The following CSMD3 variants were observed in gnomAD, a reference collection of about 807,000 sequenced individuals.
CSMD3 encodes the protein CUB and sushi domain-containing protein 3.
In CSMD3, 177 loss-of-function variants were observed where a neutral mutation model predicts 435.2. The observed-to-expected ratio is 0.41, with a 90% CI of 0.36 to 0.46. The LOEUF (loss-of-function observed/expected upper bound fraction) is 0.46, where lower values mean the gene tolerates loss of function less well. Among genes scored for constraint, CSMD3 ranks in the 20% least tolerant of loss-of-function variants. The pLI is 0.34. For synonymous variants in CSMD3, 1,656 were observed against 1,520.5 expected (o/e 1.09, Z -2.07); for missense variants, 4,265 against 4,504.6 (o/e 0.95, Z 1.52).
At chr8:112,889,784 TA>T (rs2081728141) in intron 10 of CSMD3, among the ~76,000 whole-genome samples, 2 of 151,634 alleles carry the variant, frequency 1.3e-5, no homozygotes, top group South Asian at 2.1e-4. Context: ...TAAACTAGAA[TA>T]AATCAAATGA....
chr8:112,786,577 A>C (rs2078545402), intron 13 of CSMD3, among the ~76,000 whole-genome samples: 1 of 152,004 alleles, frequency 6.6e-6, no homozygotes, highest in South Asian at 2.1e-4. Flanking sequence ...AAAACCAATA[A>C]TCTGAATAAA....
intron 22 of CSMD3, among the ~76,000 whole-genome samples, chr8:112,592,419 G>C (rs1831271306): frequency 6.6e-6 from 1 of 151,988 alleles, no homozygotes; most frequent in Non-Finnish European, 1.5e-5. Flanking sequence ...GCAAACTAGT[G>C]CTACTGAAAG....
intron 27 of CSMD3, among the ~76,000 whole-genome samples, chr8:112,537,764 G>A (rs34937056): frequency 0.034 from 5,203 of 151,330 alleles, 127 homozygotes; most frequent in Non-Finnish European, 0.054. Flanking sequence ...AAAAACTCAG[G>A]AACGAATGGA....
intron 24 of CSMD3, among the ~76,000 whole-genome samples, chr8:112,573,189 G>T (rs1274499483): frequency 6.6e-6 from 1 of 152,010 alleles, no homozygotes; most frequent in Non-Finnish European, 1.5e-5. Context: ...TCTAACAAAA[G>T]TTTCATTGTA....
chr8:113,056,532 T>C (rs1470536184), intron 5 of CSMD3, among the ~76,000 whole-genome samples: 1 of 152,226 alleles, frequency 6.6e-6, no homozygotes, highest in Non-Finnish European at 1.5e-5. Flanking sequence ...TCTACAAGCA[T>C]ATCCTTCTTC....
At chr8:112,887,452 A>C (rs1344794786) in intron 10 of CSMD3, among the ~76,000 whole-genome samples, 2 of 151,528 alleles carry the variant, frequency 1.3e-5, no homozygotes, top group Non-Finnish European at 3.0e-5. Context: ...ATATTAATGT[A>C]AGTACTATTA....
At chr8:113,399,702 T>C (rs891252386) in intron 1 of CSMD3, among the ~76,000 whole-genome samples, 1 of 151,800 alleles carries the variant, frequency 6.6e-6, no homozygotes, top group Admixed American at 6.6e-5. Flanking sequence ...GATGTGTGTG[T>C]TGTGGGGGAG....
chr8:112,906,382 C>T (rs1278187406), intron 10 of CSMD3, among the ~76,000 whole-genome samples: 2 of 151,288 alleles, frequency 1.3e-5, no homozygotes, highest in East Asian at 2.0e-4. Context: ...ACCCATATAA[C>T]TTTTCATGTT....
intron 13 of CSMD3, among the ~76,000 whole-genome samples, chr8:112,790,241 A>G (rs549707208): frequency 1.6e-3 from 249 of 152,192 alleles, no homozygotes; most frequent in Non-Finnish European, 2.8e-3. Flanking sequence ...TATGGTGAAA[A>G]CATTTTTTAA....
intron 9 of CSMD3, among the ~76,000 whole-genome samples, chr8:112,922,915 C>T (rs1358179216): frequency 6.6e-6 from 1 of 152,080 alleles, no homozygotes; most frequent in African/African-American, 2.4e-5. Flanking sequence ...GTTTACATAA[C>T]GGTCAATTAT....
intron 13 of CSMD3, among the ~76,000 whole-genome samples, chr8:112,748,693 A>G (rs926131419): frequency 6.6e-6 from 1 of 152,202 alleles, no homozygotes; most frequent in Non-Finnish European, 1.5e-5. Flanking sequence ...TGGTGGTATA[A>G]TATTGCAAGG....
At chr8:112,459,096 C>T (rs1419124764) in intron 32 of CSMD3, among the ~76,000 whole-genome samples, 1 of 152,030 alleles carries the variant, frequency 6.6e-6, no homozygotes, top group Non-Finnish European at 1.5e-5. Flanking sequence ...CTCCCTGCCA[C>T]AAATAATATT....
chr8:113,030,424 A>AAC (rs555286519), intron 5 of CSMD3, among the ~76,000 whole-genome samples: 1 of 98,484 alleles, frequency 1.0e-5, no homozygotes, highest in Non-Finnish European at 1.9e-5. Context: ...TGGTAAAAAA[A>AAC]AAAAAAAAAA....
chr8:113,429,324 A>G (rs1391563290), intron 1 of CSMD3, among the ~76,000 whole-genome samples: 1 of 151,880 alleles, frequency 6.6e-6, no homozygotes, highest in African/African-American at 2.4e-5. Flanking sequence ...TGACTTAAAC[A>G]TAATAAAACC....
At chr8:112,853,713 C>A (rs543221076) in intron 11 of CSMD3, among the ~76,000 whole-genome samples, 120 of 152,282 alleles carry the variant, frequency 7.9e-4, no homozygotes, top group Non-Finnish European at 1.4e-3. Flanking sequence ...TCAAATGTAA[C>A]AAAGATAAAC....
At chr8:112,794,729 T>G (rs993403910) in intron 13 of CSMD3, among the ~76,000 whole-genome samples, 1 of 151,918 alleles carries the variant, frequency 6.6e-6, no homozygotes, top group African/African-American at 2.4e-5. Context: ...GAACTGCCAG[T>G]CAGGGATAAA....
chr8:113,176,867 C>T (rs1049912900), intron 3 of CSMD3, among the ~76,000 whole-genome samples: 9 of 150,762 alleles, frequency 6.0e-5, no homozygotes, highest in African/African-American at 2.2e-4. Flanking sequence ...ATGTAACAAA[C>T]CTGCACATCC....
chr8:112,361,035 A>G (rs1367131978), intron 38 of CSMD3, among the ~76,000 whole-genome samples: 1 of 151,996 alleles, frequency 6.6e-6, no homozygotes. Flanking sequence ...ACCTCTTTAT[A>G]AGTGACAAAA....
chr8:113,376,759 G>C, intron 1 of CSMD3: 1 of 1,614,002 alleles, frequency 6.2e-7, no homozygotes, highest in South Asian at 1.1e-5. Context: ...TGTCGGTCAA[G>C]CTGTACAGGT....
Sources: allele counts gnomAD v4.1 joint callset (sites outside exome capture counted in the v4.1 genomes callset), GRCh38; gene constraint gnomAD v4.1.1; transcripts MANE v1.5; gene names NCBI Gene and HGNC (gene_info 2026-07-23, HGNC 2026-07-21).